The following RAD51B variants were observed in gnomAD, a reference collection of about 807,000 sequenced individuals.
The protein encoded by RAD51B is DNA repair protein RAD51 homolog 2.
RAD51B carries 38 observed loss-of-function variants against 42.2 expected under a neutral mutation model. The ratio of observed to expected loss-of-function variants is 0.90; its 90% CI spans 0.70 to 1.18. RAD51B has a LOEUF of 1.18. Among genes scored for constraint, RAD51B ranks in the 50% most tolerant of loss-of-function variants. The pLI is 0.00. For missense variants in RAD51B, 373 were observed against 400.7 expected, an observed-to-expected ratio of 0.93 and a Z score of 0.59; for synonymous variants, 154 against 145.2, an observed-to-expected ratio of 1.06 and a Z score of -0.43.
intron 7 of RAD51B, among the ~76,000 whole-genome samples, chr14:67,981,323 T>C (rs2075088743): frequency 6.6e-6 from 1 of 152,188 alleles, no homozygotes; most frequent in Non-Finnish European, 1.5e-5. Context: ...GAAATGTTGG[T>C]GAATATGTGG....
chr14:67,927,364 C>G (rs1361971692), intron 7 of RAD51B, among the ~76,000 whole-genome samples: 2 of 152,146 alleles, frequency 1.3e-5, no homozygotes, highest in African/African-American at 4.8e-5. Flanking sequence ...CTTCTAGTTA[C>G]TCTGACATAT....
intron 7 of RAD51B, among the ~76,000 whole-genome samples, chr14:67,940,130 A>G (rs1254613270): frequency 2.6e-5 from 3 of 116,164 alleles, no homozygotes; most frequent in Admixed American, 1.2e-4. Context: ...CTGGAGTGCA[A>G]TGGCGTGATC....
At chr14:68,555,363 G>C (rs1206282877) in intron 10 of RAD51B, among the ~76,000 whole-genome samples, 1 of 152,226 alleles carries the variant, frequency 6.6e-6, no homozygotes, top group Non-Finnish European at 1.5e-5. Flanking sequence ...ACCCACACTG[G>C]CTCTTAAGGA....
intron 7 of RAD51B, among the ~76,000 whole-genome samples, chr14:67,891,827 G>C (rs991998976): frequency 3.9e-5 from 6 of 152,018 alleles, no homozygotes; most frequent in Admixed American, 2.0e-4. Context: ...GGAATATTGT[G>C]TTTATAACTG....
chr14:68,063,307 T>A (rs895784384), intron 7 of RAD51B, among the ~76,000 whole-genome samples: 12 of 152,172 alleles, frequency 7.9e-5, no homozygotes, highest in African/African-American at 2.9e-4. Flanking sequence ...TGAATTGTAA[T>A]CCCCAGTGTT....
intron 7 of RAD51B, among the ~76,000 whole-genome samples, chr14:68,035,117 C>T (rs1274719893): frequency 1.3e-5 from 2 of 152,146 alleles, no homozygotes; most frequent in Non-Finnish European, 2.9e-5. Context: ...TGGATTGTTT[C>T]TGTGGATTAT....
At chr14:67,895,484 C>G (rs562191993) in intron 7 of RAD51B, among the ~76,000 whole-genome samples, 1 of 152,134 alleles carries the variant, frequency 6.6e-6, no homozygotes, top group East Asian at 1.9e-4. Context: ...TGGGTACATA[C>G]CATTGCTACA....
intron 4 of RAD51B, among the ~76,000 whole-genome samples, chr14:67,863,380 A>G (rs142371635): frequency 1.3e-5 from 2 of 152,262 alleles, no homozygotes; most frequent in Non-Finnish European, 2.9e-5. Context: ...CTGGGAACTT[A>G]CTAGCGATGT....
intron 8 of RAD51B, among the ~76,000 whole-genome samples, chr14:68,387,496 A>G (rs2083622066): frequency 6.6e-6 from 1 of 152,234 alleles, no homozygotes; most frequent in Admixed American, 6.5e-5. Flanking sequence ...ATGCTAATTT[A>G]GTGTTTACTG....
intron 7 of RAD51B, among the ~76,000 whole-genome samples, chr14:68,075,339 T>A (rs1566625531): frequency 6.6e-6 from 1 of 152,056 alleles, no homozygotes; most frequent in East Asian, 1.9e-4. Flanking sequence ...GCAAGGGTAG[T>A]ACCACTGCAG....
intron 7 of RAD51B, among the ~76,000 whole-genome samples, chr14:68,023,946 T>C (rs1207852441): frequency 6.6e-6 from 1 of 152,218 alleles, no homozygotes; most frequent in Non-Finnish European, 1.5e-5. Flanking sequence ...AAAGTTATTT[T>C]CTGGGTTTTC....
Position 68,605,216 on chromosome 14 carries a change from TGCACTGAGGGAGA to T in RAD51B, c.1037-5787_1037-5775del, listed in dbSNP as rs538399608. Among the ~76,000 whole-genome samples the T allele has an allele frequency of 5.3e-3, 813 of 152,340 alleles. 9 individuals carry two copies. Among genetic ancestry groups the T allele is most frequent in the African/African-American group, 0.018 (758 of 41,570 alleles). On this transcript the variant is annotated intron_variant, in intron 10 of 10. Transcript: ENST00000487861. ...CACAGCAGGGCGGGTTCCTTCTCGA[TGCACTGAGGGAGA>T]GCCTGTGTTATATGTAAAATATTTG...
In RAD51B at chr14:68,524,718, T is replaced by A. The variant is rs192560992; in HGVS notation, c.1036+56468T>A. ...TTGACCCCACAGGATGGTTCTTTTT[T>A]AGGTTCTGACAGGGAGCAGAAATGA... On this transcript the variant is annotated intron_variant, in intron 10 of 10. Transcript: ENST00000487270. 3.4e-3 allele frequency among the ~76,000 whole-genome samples: 517 copies of A among 152,336 alleles called. 5 individuals are homozygous for A. The highest frequency in any genetic ancestry group is 0.012 in the African/African-American group (501 of 41,570).
chr14:68,501,134 G>C (rs1265393475), intron 10 of RAD51B, among the ~76,000 whole-genome samples: 1 of 152,120 alleles, frequency 6.6e-6, no homozygotes, highest in Non-Finnish European at 1.5e-5. Context: ...AGGGAGTTCG[G>C]CTTCAGAGAG....
intron 7 of RAD51B, among the ~76,000 whole-genome samples, chr14:67,936,730 C>T (rs113960588): frequency 5.8e-4 from 89 of 152,304 alleles, no homozygotes; most frequent in African/African-American, 2.1e-3. Context: ...TCCACATCCT[C>T]ACTAATACTT....
chr14:68,101,554 T>G (rs897724630), intron 7 of RAD51B, among the ~76,000 whole-genome samples: 4 of 152,190 alleles, frequency 2.6e-5, no homozygotes, highest in Non-Finnish European at 5.9e-5. Context: ...CAGTCAAATC[T>G]TAAAGTTCCG....
chr14:67,999,430 T>G (rs1306872911), intron 7 of RAD51B, among the ~76,000 whole-genome samples: 1 of 152,222 alleles, frequency 6.6e-6, no homozygotes, highest in Admixed American at 6.5e-5. Flanking sequence ...GATAGTGCCT[T>G]TGTCTTCAAA....
intron 11 of RAD51B, among the ~76,000 whole-genome samples, chr14:68,665,490 C>G (rs1893014553): frequency 6.6e-6 from 1 of 152,172 alleles, no homozygotes; most frequent in African/African-American, 2.4e-5. Flanking sequence ...AATATACTTC[C>G]CCCAACCCAT....
chr14:68,086,950 A>G (rs2076994593), intron 7 of RAD51B, among the ~76,000 whole-genome samples: 1 of 152,098 alleles, frequency 6.6e-6, no homozygotes, highest in Non-Finnish European at 1.5e-5. Context: ...AGCCTGACCA[A>G]CATGATGAAA....
Sources: gnomAD v4.1 joint callset for allele counts (sites outside exome capture counted in the v4.1 genomes callset) on GRCh38, gnomAD v4.1.1 for gene constraint, MANE v1.5 for transcripts, NCBI Gene and HGNC (gene_info 2026-07-23, HGNC 2026-07-21) for gene names.